CRYBG2: variants seen among roughly 807,000 people sequenced by gnomAD.
CRYBG2 encodes the protein beta/gamma crystallin domain-containing protein 2.
Under a neutral mutation model 153.4 loss-of-function variants are expected in CRYBG2, and 106 were observed. The ratio of observed to expected loss-of-function variants is 0.69; its 90% confidence interval spans 0.59 to 0.81. The LOEUF (loss-of-function observed/expected upper bound fraction) is 0.81, where lower values mean the gene tolerates loss of function less well. Among genes scored for constraint, CRYBG2 ranks in the 30% least tolerant of loss-of-function variants. The pLI, the probability that CRYBG2 is intolerant of heterozygous loss-of-function variation, is 0.00. For missense variants in CRYBG2, 1,996 were observed against 2,112.0 expected, an observed-to-expected ratio of 0.95 and a Z score of 1.08; for synonymous variants, 851 against 877.8, an observed-to-expected ratio of 0.97 and a Z score of 0.54.
chr1:26,340,466 T>A (rs1407613338), intron 5 of CRYBG2, among the ~76,000 whole-genome samples: 2 of 152,178 alleles, frequency 1.3e-5, no homozygotes, highest in African/African-American at 4.8e-5. Context: ...ACCTAATCAA[T>A]GCTGAATGAA....
rs1183320582 is a variant in CRYBG2, at chr1:26,344,651, A to G, written c.2007T>C (p.Ile669=). The G allele has an allele frequency of 3.9e-6, 6 of 1,535,366 alleles. No homozygotes were observed. The highest frequency in any genetic ancestry group is 5.2e-6 in the Non-Finnish European group (6 of 1,146,460). Residue 669 remains isoleucine (I), a synonymous_variant, in exon 2 of 20, where the codon ATT becomes ATC. Transcript: ENST00000308182. ...GTTTGGGGAGTGAGGTGGCAGGAGCAATTGGGCCTTGAACAGTCTCTTCCT... is the reference window on the plus strand; with the variant it reads ...GTTTGGGGAGTGAGGTGGCAGGAGCGATTGGGCCTTGAACAGTCTCTTCCT... ...LTKEETVQGP[I]APATSLPKQD...
Position 26,344,535 on chromosome 1 carries a change from G to A in CRYBG2, c.2123C>T (p.Pro708Leu). 1 of 1,546,080 alleles carries A rather than the reference G, an allele frequency of 6.5e-7. No homozygotes were observed. Residue 708 changes from proline (P) to leucine (L), a missense_variant, in exon 2 of 20, where the codon CCA becomes CTA. Pro to Leu is a moderately conservative substitution (Grantham distance 98, BLOSUM62 -3). Transcript: ENST00000308182. ...GGACACCCTGTCCACTGAGGAAGAT[G>A]GGGCAGGGAGAGCATCAGGGTCCTG... ...VVQDPDALPA[P>L]SSSVDRVSPS...
intron 5 of CRYBG2, among the ~76,000 whole-genome samples, 183 bp downstream of exon 5, chr1:26,342,571 T>G (rs1417765634): frequency 3.3e-5 from 5 of 152,202 alleles, no homozygotes; most frequent in African/African-American, 1.2e-4. Context: ...GGCTAATTTT[T>G]GTATTTTTAG....
rs79624651 is a variant in CRYBG2 at position 26,345,408 on chromosome 1, C to A, written c.1250G>T (p.Gly417Val). Residue 417 changes from glycine (G) to valine (V), a missense_variant, in exon 2 of 20, where the codon GGA becomes GTA. By Grantham distance (109) the Gly-to-Val change is moderately radical. Transcript: ENST00000308182. The part of the protein sequence containing the change: ...MVRSEHVTVP[G>V]QPPAPSTTRR... ...TGTAGTGGATGGAGCAGGAGGTTGT[C>A]CAGGGACTGTCACATGCTCGCTCCT... 1.9e-5 allele frequency: 31 copies of A among 1,611,608 alleles called. No individual in the cohort carries two copies. The highest frequency in any genetic ancestry group is 2.6e-5 in the Non-Finnish European group (31 of 1,178,962).
intron 17 of CRYBG2, among the ~76,000 whole-genome samples, chr1:26,326,186 C>G (rs1164232283): frequency 6.6e-6 from 1 of 152,010 alleles, no homozygotes. Context: ...GCCACCGCAC[C>G]CAGCCTATAA....
intron 18 of CRYBG2, among the ~76,000 whole-genome samples, chr1:26,322,680 A>C (rs2073873475): frequency 6.6e-6 from 1 of 152,072 alleles, no homozygotes. Context: ...TGGTTTCCTC[A>C]CCTGTAAAAT....
intron 1 of CRYBG2, among the ~76,000 whole-genome samples, chr1:26,351,951 T>C (rs1275426368): frequency 6.6e-6 from 1 of 152,104 alleles, no homozygotes; most frequent in Non-Finnish European, 1.5e-5. Context: ...CAGAGCCCTT[T>C]CTTCTGCAGG....
chr1:26,339,748 A>AG (rs1419005332), intron 5 of CRYBG2, among the ~76,000 whole-genome samples: 1 of 152,030 alleles, frequency 6.6e-6, no homozygotes, highest in African/African-American at 2.4e-5. Flanking sequence ...AAACAAAAAA[A>AG]AAAAAGAAAG....
chr1:26,338,129 T>G, intron 7 of CRYBG2, 82 bp from the exon 8 acceptor site: 3 of 1,546,256 alleles, frequency 1.9e-6, no homozygotes, highest in Non-Finnish European at 2.6e-6. Context: ...TTCCTGATCC[T>G]GAGAACCCCA....
Position 26,345,666 on chromosome 1 carries a change from A to G in CRYBG2, c.992T>C (p.Val331Ala). 3 of 1,598,536 alleles carry G rather than the reference A, an allele frequency of 1.9e-6. No homozygotes were observed. The highest frequency in any genetic ancestry group is 2.5e-6 in the Non-Finnish European group (3 of 1,179,714). Residue 331 changes from valine to alanine, a missense_variant, in exon 2 of 20, where the codon GTG becomes GCG. Physicochemically the swap from Val to Ala is moderately conservative, Grantham distance 64. Coordinates refer to ENST00000308182, the MANE Select transcript of CRYBG2 (RefSeq NM_001039775.4). Reference sequence around the variant, plus strand: ...CTCAGTGGAACTGGGGGCTCCCAGCACCTGCCAGAGCTCACAGGCCCTGGC... The same window carrying G: ...CTCAGTGGAACTGGGGGCTCCCAGCGCCTGCCAGAGCTCACAGGCCCTGGC... ...PDARACELWQ[V>A]LGAPSSTELP...
In CRYBG2 at chr1:26,347,842, T is replaced by C. The variant is rs951581315; in HGVS notation, c.-55-1130A>G. Among the ~76,000 whole-genome samples the C allele has an allele frequency of 5.3e-5, 8 of 152,084 alleles. No homozygotes were observed. In the East Asian group the frequency reaches 1.4e-3, roughly 26 times the overall value. Reference sequence around the variant, plus strand: ...GGTCTTGTTATGTTGCCCATGCTGGTCTCGAACTCCTGGGCTGAAGTGATC... The same window carrying C: ...GGTCTTGTTATGTTGCCCATGCTGGCCTCGAACTCCTGGGCTGAAGTGATC... On this transcript the variant is annotated intron_variant, in intron 1 of 19. Transcript: ENST00000308182.
chr1:26,347,482 T>A (rs951960909), intron 1 of CRYBG2, among the ~76,000 whole-genome samples: 14 of 150,688 alleles, frequency 9.3e-5, no homozygotes, highest in African/African-American at 2.4e-4. Context: ...TTATTTATTT[T>A]TATTTTTATT....
chr1:26,329,012 G>C, intron 15 of CRYBG2, 139 bp from the exon 16 acceptor site: 1 of 1,075,014 alleles, frequency 9.3e-7, no homozygotes, highest in Non-Finnish European at 1.3e-6. Flanking sequence ...CAGGGCCACT[G>C]ATTCTTGGAC....
At chr1:26,333,081 T>G (rs2074017652) in intron 14 of CRYBG2, among the ~76,000 whole-genome samples, 1 of 122,044 alleles carries the variant, frequency 8.2e-6, no homozygotes, top group Admixed American at 9.3e-5. Flanking sequence ...AGGGAAAAAG[T>G]TGGCAGGGAC....
At chr1:26,328,125 A>AACAC in intron 17 of CRYBG2, 84 bp downstream of exon 17, 2 of 1,487,512 alleles carry the variant, frequency 1.3e-6, no homozygotes, top group Non-Finnish European at 9.0e-7. Context: ...GTGTTTGGGA[A>AACAC]ACACACAGCT....
intron 15 of CRYBG2, among the ~76,000 whole-genome samples, chr1:26,330,651 G>A (rs942417568): frequency 6.7e-6 from 1 of 148,396 alleles, no homozygotes; most frequent in Non-Finnish European, 1.5e-5. Flanking sequence ...CAAATCTCCT[G>A]TCTCAGCTTC....
intron 1 of CRYBG2, among the ~76,000 whole-genome samples, chr1:26,352,400 G>A (rs1046069535): frequency 2.6e-5 from 4 of 151,964 alleles, no homozygotes; most frequent in Non-Finnish European, 4.4e-5. Context: ...TGACACACAC[G>A]TGCACACATT....
intron 17 of CRYBG2, among the ~76,000 whole-genome samples, chr1:26,324,518 A>T (rs942669735): frequency 6.7e-6 from 1 of 150,330 alleles, no homozygotes; most frequent in African/African-American, 2.5e-5. Flanking sequence ...ACACACACAC[A>T]CACACACACA....
chr1:26,328,600 C>A, intron 16 of CRYBG2, 134 bp downstream of exon 16: 1 of 1,365,918 alleles, frequency 7.3e-7, no homozygotes. Flanking sequence ...CGCACTTCTC[C>A]CTCCTTCCTG....
Sources: gnomAD v4.1 joint callset for allele counts (sites outside exome capture counted in the v4.1 genomes callset) on GRCh38, gnomAD v4.1.1 for gene constraint, MANE v1.5 for transcripts, NCBI Gene and HGNC (gene_info 2026-07-23, HGNC 2026-07-21) for gene names.